ELAPOR2: variants seen among roughly 807,000 people sequenced by gnomAD.
ELAPOR2 encodes the protein endosome/lysosome-associated apoptosis and autophagy regulator family member 2.
Under a neutral mutation model 120.7 loss-of-function variants are expected in ELAPOR2, and 89 were observed. That is an observed-to-expected ratio of 0.74 (90% CI 0.62 to 0.88). ELAPOR2 has a LOEUF of 0.88. Among genes scored for constraint, ELAPOR2 ranks in the 40% least tolerant of loss-of-function variants. ELAPOR2 has a pLI of 0.00. For synonymous variants in ELAPOR2, 444 were observed against 444.9 expected, an observed-to-expected ratio of 1.00 and a Z score of 0.03; for missense variants, 1,134 against 1,251.6, an observed-to-expected ratio of 0.91 and a Z score of 1.42.
chr7:86,985,639 G>T (rs1466358498), intron 1 of ELAPOR2, among the ~76,000 whole-genome samples: 1 of 151,806 alleles, frequency 6.6e-6, no homozygotes, highest in Non-Finnish European at 1.5e-5. Context: ...AAAATTCAGG[G>T]CCCCTCATGC....
chr7:86,919,299 C>T lies in ELAPOR2; in HGVS notation c.1411G>A (p.Ala471Thr). 13 of 1,605,406 alleles carry T rather than the reference C, an allele frequency of 8.1e-6. No individual in the cohort carries two copies. Among genetic ancestry groups the T allele is most frequent in the Non-Finnish European group, 1.1e-5 (13 of 1,174,612 alleles). The change falls in exon 11 of 22, where the codon GCT (alanine) becomes ACT (threonine). Residue 471 changes from alanine to threonine, a missense_variant. Physicochemically the swap from Ala to Thr is moderately conservative, Grantham distance 58. This residue lies in a region of ELAPOR2 where 831 missense variants were observed against 867.6 expected (regional missense o/e 0.96). Coordinates refer to ENST00000450689, the MANE Select transcript of ELAPOR2 (RefSeq NM_001142749.3). ...GCCCCACTCTGGATATGATCTCCAG[C>T]CACCTCCCAACCTAGAAGTAATAAA... is the stretch of plus-strand genomic sequence containing the variant. ...KCDGMNGWEV[A>T]GDHIQSGAGG...
At chr7:86,996,706 G>T (rs560322315) in intron 1 of ELAPOR2, among the ~76,000 whole-genome samples, 9 of 152,296 alleles carry the variant, frequency 5.9e-5, no homozygotes, top group Middle Eastern at 3.4e-3. Flanking sequence ...TTAGGGGGTT[G>T]AAACAGTTTT....
intron 21 of ELAPOR2, among the ~76,000 whole-genome samples, chr7:86,890,224 T>C (rs1788081304): frequency 6.6e-6 from 1 of 151,964 alleles, no homozygotes; most frequent in African/African-American, 2.4e-5. Context: ...CTGATTACCC[T>C]TTGTTCTAGA....
Position 86,961,038 on chromosome 7 carries a change from G to A in ELAPOR2, c.310+3866C>T, listed in dbSNP as rs1040258895. 5.3e-5 allele frequency among the ~76,000 whole-genome samples: 8 copies of A among 152,070 alleles called. No individual in the cohort carries two copies. In the East Asian group the frequency reaches 7.7e-4, roughly 15 times the overall value. ...GTCATGTTTGAAGCCACATTAATTC[G>A]CTATACTCTGTATGAGAAATACAAA... On this transcript the variant is annotated intron_variant, in intron 2 of 21. Coordinates refer to ENST00000450689, the MANE Select transcript of ELAPOR2 (RefSeq NM_001142749.3).
chr7:87,041,648 T>G (rs553310151), intron 1 of ELAPOR2, among the ~76,000 whole-genome samples: 3 of 152,136 alleles, frequency 2.0e-5, no homozygotes, highest in Admixed American at 6.5e-5. Context: ...TACCAGCCGC[T>G]GCAAAATCAT....
chr7:87,004,852 G>T (rs183560303), intron 1 of ELAPOR2, among the ~76,000 whole-genome samples: 10 of 152,212 alleles, frequency 6.6e-5, no homozygotes, highest in Admixed American at 5.2e-4. Context: ...TTTCTCTAAA[G>T]AATATCAGAC....
intron 19 of ELAPOR2, among the ~76,000 whole-genome samples, chr7:86,893,934 C>A (rs1788317055): frequency 6.6e-6 from 1 of 152,050 alleles, no homozygotes; most frequent in Admixed American, 6.6e-5. Context: ...TGACCAGTAG[C>A]AATTTGCATG....
In ELAPOR2 at chr7:86,926,906, A is replaced by G. The variant is rs763818314; in HGVS notation, c.1100T>C (p.Met367Thr). Reference sequence around the variant, plus strand: ...GATTTTGGGCTCTATCCACTTGTACATTATCTGTGTCTACAAAAAAAAAAA... The same window carrying G: ...GATTTTGGGCTCTATCCACTTGTACGTTATCTGTGTCTACAAAAAAAAAAA... ...PCDEEGKTQI[M>T]YKWIEPKICR... The change falls in exon 9 of 22, where the codon ATG becomes ACG. Residue 367 changes from methionine to threonine, a missense_variant. By Grantham distance (81) the Met-to-Thr change is moderately conservative. Coordinates refer to ENST00000450689, the MANE Select transcript of ELAPOR2 (RefSeq NM_001142749.3). 6 of 1,092,062 alleles carry G rather than the reference A, an allele frequency of 5.5e-6. No homozygotes were observed. In the East Asian group the frequency reaches 1.2e-4, roughly 21 times the overall value. 67.6% of individuals were successfully genotyped at this position (1,092,062 alleles called of 1,614,324 possible).
chr7:86,906,388 A>T (rs1326740151), intron 18 of ELAPOR2, among the ~76,000 whole-genome samples: 2 of 152,126 alleles, frequency 1.3e-5, no homozygotes, highest in Non-Finnish European at 2.9e-5. Context: ...AGGTAAAAAG[A>T]ATAATTAAAT....
At position 87,034,185 on chromosome 7, in the gene ELAPOR2, T is replaced by C. The variant is rs1280644942; in HGVS notation, c.189+25140A>G. ...GATATATGTAATAGAGGCAGTATAGTCTGATGGTGAAAAGTATGGGCCCTG... is the reference window on the plus strand; with the variant it reads ...GATATATGTAATAGAGGCAGTATAGCCTGATGGTGAAAAGTATGGGCCCTG... On this transcript the variant is annotated intron_variant, in intron 1 of 21. Coordinates refer to ENST00000450689, the MANE Select transcript of ELAPOR2 (RefSeq NM_001142749.3). 6.6e-5 allele frequency among the ~76,000 whole-genome samples: 10 copies of C among 152,252 alleles called. 1 individual carries two copies. The South Asian group carries it at 1.9e-3, about 28-fold the overall frequency.
chr7:86,904,396 T>A (rs1197160727), intron 18 of ELAPOR2, among the ~76,000 whole-genome samples: 3 of 152,168 alleles, frequency 2.0e-5, no homozygotes, highest in Non-Finnish European at 4.4e-5. Context: ...TAGAGGGCCA[T>A]CTATTTAGGG....
chr7:86,934,853 C>T (rs915439690), intron 8 of ELAPOR2, among the ~76,000 whole-genome samples: 3 of 151,946 alleles, frequency 2.0e-5, no homozygotes, highest in Non-Finnish European at 2.9e-5. Context: ...GCCTCCAGAC[C>T]TTCTCTCTAA....
chr7:86,985,397 T>C (rs1271047678), intron 1 of ELAPOR2, among the ~76,000 whole-genome samples: 1 of 152,042 alleles, frequency 6.6e-6, no homozygotes, highest in Non-Finnish European at 1.5e-5. Context: ...AAAAAGAAAA[T>C]TTTAGACCAA....
At chr7:86,987,644 G>T (rs1792798013) in intron 1 of ELAPOR2, among the ~76,000 whole-genome samples, 1 of 151,774 alleles carries the variant, frequency 6.6e-6, no homozygotes, top group Admixed American at 6.6e-5. Context: ...AAACCACAAT[G>T]AGATACCATC....
intron 1 of ELAPOR2, among the ~76,000 whole-genome samples, chr7:87,045,402 T>C (rs1794919264): frequency 6.6e-6 from 1 of 150,706 alleles, no homozygotes; most frequent in South Asian, 2.1e-4. Flanking sequence ...ATGTGGCACA[T>C]ATACACCATG....
At chr7:86,979,611 CT>C (rs1792394909) in intron 1 of ELAPOR2, among the ~76,000 whole-genome samples, 1 of 152,168 alleles carries the variant, frequency 6.6e-6, no homozygotes, top group African/African-American at 2.4e-5. Flanking sequence ...TCACAAAAGA[CT>C]TGACATGAGT....
chr7:86,972,431 G>A (rs1792136055), intron 1 of ELAPOR2, among the ~76,000 whole-genome samples: 1 of 151,870 alleles, frequency 6.6e-6, no homozygotes, highest in Non-Finnish European at 1.5e-5. Context: ...ACTCTTCACT[G>A]GAATAAACTC....
At chr7:86,887,338 T>C (rs1799741283) in intron 21 of ELAPOR2, among the ~76,000 whole-genome samples, 1 of 152,084 alleles carries the variant, frequency 6.6e-6, no homozygotes, top group Non-Finnish European at 1.5e-5. Context: ...GCACATATTT[T>C]TCTTATGCAG....
chr7:86,931,027 T>A (rs1472463150), intron 8 of ELAPOR2, among the ~76,000 whole-genome samples: 1 of 151,802 alleles, frequency 6.6e-6, no homozygotes, highest in African/African-American at 2.4e-5. Context: ...CTGAAAAACA[T>A]GAAGGGGATA....
Sources: allele counts gnomAD v4.1 joint callset (sites outside exome capture counted in the v4.1 genomes callset), GRCh38; gene constraint gnomAD v4.1.1; regional missense constraint gnomAD v4.1.1; transcripts MANE v1.5; gene names NCBI Gene and HGNC (gene_info 2026-07-23, HGNC 2026-07-21).